Variants in CDH13 observed in about 807,000 individuals in gnomAD.
The protein encoded by CDH13 is cadherin-13.
In CDH13, 24 loss-of-function variants were observed where a neutral mutation model predicts 63.8. The ratio of observed to expected loss-of-function variants is 0.38; its 90% CI spans 0.27 to 0.53. The LOEUF (loss-of-function observed/expected upper bound fraction) is 0.53, where lower values mean the gene tolerates loss of function less well. Among genes scored for constraint, CDH13 ranks in the 20% least tolerant of loss-of-function variants. The pLI is 0.85. For missense variants in CDH13, 1,049 were observed against 903.1 expected (o/e 1.16, Z -2.07); for synonymous variants, 503 against 355.3 (o/e 1.42, Z -4.67).
intron 2 of CDH13, among the ~76,000 whole-genome samples, chr16:82,978,738 T>A (rs543564186): frequency 2.5e-4 from 38 of 152,362 alleles, no homozygotes; most frequent in African/African-American, 8.9e-4. Flanking sequence ...GACAGAACAC[T>A]CATGGAGAAC....
At chr16:83,662,837 T>G (rs1913566408) in intron 8 of CDH13, among the ~76,000 whole-genome samples, 1 of 152,166 alleles carries the variant, frequency 6.6e-6, no homozygotes, top group Admixed American at 6.5e-5. Flanking sequence ...AAAATGAGGT[T>G]GTTGATGGGA....
chr16:82,905,904 T>C (rs541311300), intron 2 of CDH13, among the ~76,000 whole-genome samples: 1 of 152,344 alleles, frequency 6.6e-6, no homozygotes, highest in South Asian at 2.1e-4. Context: ...CAAAAGTTTC[T>C]CTCCTTTTTC....
intron 7 of CDH13, among the ~76,000 whole-genome samples, chr16:83,521,378 A>C (rs986493740): frequency 6.6e-6 from 1 of 151,182 alleles, no homozygotes; most frequent in Admixed American, 6.6e-5. Context: ...CCAATAATGG[A>C]AAAAAAATTG....
At chr16:83,035,872 A>G (rs996556696) in intron 3 of CDH13, among the ~76,000 whole-genome samples, 1 of 152,236 alleles carries the variant, frequency 6.6e-6, no homozygotes, top group Non-Finnish European at 1.5e-5. Flanking sequence ...GCAGTAATGT[A>G]TAGCACTCAG....
Position 82,952,752 on chromosome 16 carries a change from A to G in CDH13, c.158-79258A>G, listed in dbSNP as rs549434200. On this transcript the variant is annotated intron_variant, in intron 2 of 13. Transcript: ENST00000567109. The stretch of plus-strand genomic sequence containing the variant: ...ACTGGCCCCTCCAGGTCCACTGTCC[A>G]CCATTCTCTACTCTCTGGTGCCACA... Among the ~76,000 whole-genome samples, 46 of 152,268 alleles carry G rather than the reference A, an allele frequency of 3.0e-4. No homozygotes were observed. In the East Asian group the frequency reaches 8.3e-3, roughly 28 times the overall value.
At chr16:83,146,206 A>AAAAAAAAAAAAAG (rs1472391722) in intron 4 of CDH13, among the ~76,000 whole-genome samples, 2 of 147,760 alleles carry the variant, frequency 1.4e-5, no homozygotes, top group Admixed American at 6.6e-5. Context: ...AAAAAAAAAA[A>AAAAAAAAAAAAAG]AAAAGAAAAG....
At chr16:83,349,043 T>A (rs1403684094) in intron 6 of CDH13, among the ~76,000 whole-genome samples, 1 of 152,204 alleles carries the variant, frequency 6.6e-6, no homozygotes, top group East Asian at 1.9e-4. Context: ...GTCACCCATA[T>A]TTATCTGTAT....
intron 2 of CDH13, among the ~76,000 whole-genome samples, chr16:82,997,068 G>GGTGA: frequency 7.3e-6 from 1 of 136,818 alleles, no homozygotes; most frequent in Non-Finnish European, 1.6e-5. Flanking sequence ...GATGGTGATG[G>GGTGA]TGGTGATGGT....
chr16:83,614,722 G>T (rs996049542), intron 8 of CDH13, among the ~76,000 whole-genome samples: 1 of 152,154 alleles, frequency 6.6e-6, no homozygotes, highest in Non-Finnish European at 1.5e-5. Context: ...AAAAAATCTG[G>T]ATTAGCTTTT....
chr16:83,793,172 T>A (rs1038744060), intron 13 of CDH13, among the ~76,000 whole-genome samples: 3 of 152,218 alleles, frequency 2.0e-5, no homozygotes, highest in African/African-American at 7.2e-5. Flanking sequence ...CAACTATTAC[T>A]GTAGACACAG....
intron 4 of CDH13, among the ~76,000 whole-genome samples, chr16:83,168,921 T>G (rs1211676237): frequency 2.0e-5 from 3 of 152,140 alleles, no homozygotes; most frequent in Non-Finnish European, 4.4e-5. Flanking sequence ...TAGTTTTGGT[T>G]ATTCTGTTTC....
intron 10 of CDH13, among the ~76,000 whole-genome samples, chr16:83,700,799 C>T (rs1045642477): frequency 9.2e-5 from 14 of 152,070 alleles, no homozygotes; most frequent in Non-Finnish European, 1.9e-4. Flanking sequence ...ATTCCACAGG[C>T]GAGGAGTAGA....
At chr16:83,051,633 C>T (rs971482038) in intron 3 of CDH13, among the ~76,000 whole-genome samples, 3 of 152,340 alleles carry the variant, frequency 2.0e-5, no homozygotes, top group Middle Eastern at 3.4e-3. Context: ...CATTAAGACA[C>T]TCCGGATTCT....
At chr16:83,643,963 T>G (rs1193787522) in intron 8 of CDH13, among the ~76,000 whole-genome samples, 1 of 152,330 alleles carries the variant, frequency 6.6e-6, no homozygotes, top group East Asian at 1.9e-4. Flanking sequence ...AGAGAGCGTT[T>G]GAGGAACCTG....
At chr16:83,006,906 TTGTTTGTTTGTTTGTTTG>T (rs1913565434) in intron 2 of CDH13, among the ~76,000 whole-genome samples, 1 of 124,884 alleles carries the variant, frequency 8.0e-6, no homozygotes, top group African/African-American at 3.0e-5. Flanking sequence ...TTGATTTTTT[TTGTTTGTTTGTTTGTTTG>T]TTTGTTTGTT....
chr16:83,764,009 C>A (rs1483268631), intron 11 of CDH13, among the ~76,000 whole-genome samples: 2 of 152,290 alleles, frequency 1.3e-5, no homozygotes, highest in Admixed American at 6.5e-5. Flanking sequence ...TCCCCACCTG[C>A]AGAATGAAGA....
In CDH13 at chr16:83,582,265, C is replaced by G. The variant is rs191100080; in HGVS notation, c.961-20189C>G. ...TTTACGCAGATGTTTCTGGGTTACACAACACTTGGCTTAATCCTTTTTTTT... is the reference window on the plus strand; with the variant it reads ...TTTACGCAGATGTTTCTGGGTTACAGAACACTTGGCTTAATCCTTTTTTTT... On this transcript the variant is annotated intron_variant, in intron 7 of 13. Transcript: ENST00000567109. Among the ~76,000 whole-genome samples the G allele has an allele frequency of 6.6e-5, 10 of 152,158 alleles. No individual in the cohort carries two copies. In the East Asian group the frequency reaches 1.5e-3, roughly 24 times the overall value.
chr16:83,753,781 G>A (rs1913282353), intron 11 of CDH13, among the ~76,000 whole-genome samples: 1 of 151,934 alleles, frequency 6.6e-6, no homozygotes, highest in Non-Finnish European at 1.5e-5. Context: ...TTCCATGTAG[G>A]ATACAGTACG....
Position 83,329,313 on chromosome 16 carries a change from C to A in CDH13, c.637-15549C>A, listed in dbSNP as rs527922741. Among the ~76,000 whole-genome samples, 6 of 152,280 alleles carry A rather than the reference C, an allele frequency of 3.9e-5. No homozygotes were observed. The East Asian group carries it at 1.2e-3, about 29-fold the overall frequency. Reference sequence around the variant, plus strand: ...CAGTCTCAGCTCACTGCAACCTCTGCTTGCTAGGTTCAAGTGATTCTCCCA... The same window carrying A: ...CAGTCTCAGCTCACTGCAACCTCTGATTGCTAGGTTCAAGTGATTCTCCCA... On this transcript the variant is annotated intron_variant, in intron 5 of 13. Transcript: ENST00000567109.
Sources: allele counts gnomAD v4.1 joint callset (sites outside exome capture counted in the v4.1 genomes callset), GRCh38; gene constraint gnomAD v4.1.1; transcripts MANE v1.5; gene names NCBI Gene and HGNC (gene_info 2026-07-23, HGNC 2026-07-21).